Variants in YARS1 observed in about 807,000 individuals in gnomAD.
YARS1 encodes tyrosyl-tRNA synthetase 1.
In YARS1, 36 loss-of-function variants were observed where a neutral mutation model predicts 62.2. The observed-to-expected ratio is 0.58, with a 90% CI of 0.44 to 0.76. The LOEUF (loss-of-function observed/expected upper bound fraction) is 0.76. Ranked by LOEUF, YARS1 falls within the 30% of genes least tolerant of loss-of-function variation. The pLI is 0.00. For synonymous variants in YARS1, 234 were observed against 244.9 expected (o/e 0.96, Z 0.42); for missense variants, 524 against 639.8 (o/e 0.82, Z 1.95).
intron 4 of YARS1, among the ~76,000 whole-genome samples, chr1:32,804,723 G>A (rs1351356065): frequency 6.6e-6 from 1 of 151,776 alleles, no homozygotes; most frequent in Non-Finnish European, 1.5e-5. Context: ...ATGGCGGCCG[G>A]GAAGATGCGC....
In YARS1 at chr1:32,776,072, T is replaced by G. The variant is rs774931513; in HGVS notation, c.1496A>C (p.Glu499Ala). Reference protein sequence around the residue: ...EKLQADFKISEECIAQWKQTN... With the variant: ...EKLQADFKISAECIAQWKQTN... Reference sequence around the variant, plus strand: ...TTGCTTCCACTGTGCGATGCACTCCTCAGAAATTTTGAAGTCAGCCTGGAC... The same window carrying G: ...TTGCTTCCACTGTGCGATGCACTCCGCAGAAATTTTGAAGTCAGCCTGGAC... Residue 499 changes from glutamate to alanine, a missense_variant, in exon 13 of 13, where the codon GAG (glutamate) becomes GCG (alanine). Physicochemically the swap from Glu to Ala is moderately radical, Grantham distance 107. Coordinates refer to ENST00000373477, the MANE Select transcript of YARS1 (RefSeq NM_003680.4). This position sits in a 1 kb window ranked among gnomAD's most constrained non-coding sequence, Gnocchi z 4.0. 1.2e-6 allele frequency: 2 copies of G among 1,614,068 alleles called. No individual in the cohort carries two copies. Among genetic ancestry groups the G allele is most frequent in the Non-Finnish European group, 1.7e-6 (2 of 1,179,996 alleles).
intron 6 of YARS1, among the ~76,000 whole-genome samples, chr1:32,788,614 A>G (rs928517368): frequency 5.3e-5 from 8 of 151,796 alleles, no homozygotes; most frequent in Admixed American, 5.2e-4. Flanking sequence ...TATTTTTAGT[A>G]GAGACGGGGT....
At chr1:32,803,921 G>A (rs910049528) in intron 4 of YARS1, among the ~76,000 whole-genome samples, 7 of 152,228 alleles carry the variant, frequency 4.6e-5, no homozygotes, top group Non-Finnish European at 5.9e-5. Flanking sequence ...GGGTACTTGA[G>A]ATTAGGGAGT....
chr1:32,780,156 C>T lies in YARS1; in HGVS notation c.1263G>A (p.Val421=), dbSNP rs775335977. The change falls in exon 11 of 13, where the codon GTG becomes GTA. Residue 421 remains valine (V), a synonymous_variant. Coordinates refer to ENST00000373477, the MANE Select transcript of YARS1 (RefSeq NM_003680.4). ...TCTGGGGTTTCAGGTTGCACAGCACCACTACCAGCCTGTCCTGCAGTTCCT... is the reference window on the plus strand; with the variant it reads ...TCTGGGGTTTCAGGTTGCACAGCACTACTACCAGCCTGTCCTGCAGTTCCT... ...PKEELQDRLV[V]VLCNLKPQKM... 2 of 1,614,184 alleles carry T rather than the reference C, an allele frequency of 1.2e-6. No individual in the cohort carries two copies. Among genetic ancestry groups the T allele is most frequent in the African/African-American group, 2.7e-5 (2 of 75,038 alleles).
intron 5 of YARS1, among the ~76,000 whole-genome samples, chr1:32,792,115 T>C (rs1032125876): frequency 2.0e-5 from 3 of 152,170 alleles, no homozygotes; most frequent in African/African-American, 7.2e-5. Flanking sequence ...TACCAGGAAG[T>C]CTGGCAGAGA....
intron 4 of YARS1, among the ~76,000 whole-genome samples, chr1:32,802,551 G>A (rs571549825): frequency 1.3e-5 from 2 of 152,190 alleles, no homozygotes; most frequent in African/African-American, 2.4e-5. Flanking sequence ...CTTGATCCAC[G>A]GGCTATAGAA....
chr1:32,791,382 T>G (rs1653407483), intron 5 of YARS1, 128 bp from the exon 6 acceptor site: 2 of 785,508 alleles, frequency 2.5e-6, no homozygotes, highest in Non-Finnish European at 4.5e-6. Flanking sequence ...ATACTAAATA[T>G]GTAGCTTTGA....
At chr1:32,801,954 T>C (rs928520170) in intron 4 of YARS1, among the ~76,000 whole-genome samples, 1 of 142,972 alleles carries the variant, frequency 7.0e-6, no homozygotes, top group Non-Finnish European at 1.5e-5. Context: ...TTTTTTTTTT[T>C]TTTTTTTTTT....
At position 32,790,181 on chromosome 1, in the gene YARS1, C is replaced by CTT. The variant is rs750131866; in HGVS notation, c.684+979_684+980dup. Among the ~76,000 whole-genome samples the CTT allele has an allele frequency of 8.7e-5, 10 of 115,388 alleles. No homozygotes were observed. The South Asian group carries it at 1.2e-3, about 14-fold the overall frequency. The allele number at this position is 115,388 out of a possible 152,430, so 75.7% of individuals were successfully genotyped here. A position where few individuals can be genotyped will look rare whatever the true frequency, so the allele number is the denominator to read the frequency against. ...TACAGGCGTGAGCCACCACGCAGGC[C>CTT]TTTTTTTTTTTTTTTTTTTTTAATT... On this transcript the variant is annotated intron_variant, in intron 6 of 12. Transcript: ENST00000373477.
At chr1:32,798,354 T>C (rs1000432757) in intron 4 of YARS1, 4 of 172,042 alleles carry the variant, frequency 2.3e-5, no homozygotes, top group Non-Finnish European at 3.8e-5. Flanking sequence ...GTGGATGTCA[T>C]GGGATAAAAA....
intron 12 of YARS1, among the ~76,000 whole-genome samples, chr1:32,777,912 T>C (rs1371903714): frequency 2.0e-5 from 3 of 152,220 alleles, no homozygotes; most frequent in African/African-American, 2.4e-5. Flanking sequence ...AATATCTCTA[T>C]GTGGCAGGAC....
intron 5 of YARS1, among the ~76,000 whole-genome samples, chr1:32,792,119 G>A (rs1439081847): frequency 6.6e-6 from 1 of 152,190 alleles, no homozygotes; most frequent in Non-Finnish European, 1.5e-5. Flanking sequence ...AGGAAGTCTG[G>A]CAGAGAACAG....
At chr1:32,799,785 T>C (rs909550286) in intron 4 of YARS1, among the ~76,000 whole-genome samples, 1 of 152,194 alleles carries the variant, frequency 6.6e-6, no homozygotes, top group Admixed American at 6.5e-5. Flanking sequence ...CATTAGACAG[T>C]ACAGACCTAG....
At chr1:32,809,165 C>A (rs1638526835) in intron 3 of YARS1, among the ~76,000 whole-genome samples, 1 of 152,054 alleles carries the variant, frequency 6.6e-6, no homozygotes, top group Admixed American at 6.6e-5. Context: ...CCACTCACCG[C>A]AACCTCCACC....
intron 8 of YARS1, among the ~76,000 whole-genome samples, chr1:32,784,070 T>A (rs531504750): frequency 4.6e-5 from 7 of 151,474 alleles, no homozygotes; most frequent in African/African-American, 1.7e-4. Context: ...AGTGGCGCAA[T>A]CATGGCTCAG....
intron 4 of YARS1, 131 bp from the exon 5 acceptor site, chr1:32,797,974 G>A: frequency 1.4e-6 from 1 of 739,090 alleles, no homozygotes. Flanking sequence ...AGGTTCAAGT[G>A]AGTCTCCTGC....
intron 12 of YARS1, among the ~76,000 whole-genome samples, chr1:32,779,177 T>C (rs1375574539): frequency 6.6e-6 from 1 of 152,160 alleles, no homozygotes; most frequent in Non-Finnish European, 1.5e-5. Flanking sequence ...TCAAATGATC[T>C]GTCGGAGATG....
intron 8 of YARS1, chr1:32,783,852 C>T (rs1392957545): frequency 6.6e-6 from 1 of 152,172 alleles, no homozygotes; most frequent in African/African-American, 2.4e-5. Context: ...TCTTCAACTG[C>T]ACCTGCCACA....
Position 32,782,403 on chromosome 1 carries a change from C to T in YARS1, c.1042+1G>A. 6.2e-7 allele frequency: 1 copy of T among 1,613,984 alleles called. No individual in the cohort carries two copies. The highest frequency in any genetic ancestry group is 8.5e-7 in the Non-Finnish European group (1 of 1,179,896). On this transcript the variant is annotated splice_donor_variant, in intron 9 of 12. Transcript: ENST00000373477. LOFTEE classifies it high-confidence loss of function. Reference sequence around the variant, plus strand: ...GTCGGCCCCTCTCCAGCTGGCCTTACTCTGCTTTGAGGGATCTGGGTAGGC... The same window carrying T: ...GTCGGCCCCTCTCCAGCTGGCCTTATTCTGCTTTGAGGGATCTGGGTAGGC...
Sources: gnomAD v4.1 joint callset for allele counts (sites outside exome capture counted in the v4.1 genomes callset) on GRCh38, gnomAD v4.1.1 for gene constraint, Gnocchi (gnomAD v3.1) non-coding constraint, MANE v1.5 for transcripts, NCBI Gene and HGNC (gene_info 2026-07-23, HGNC 2026-07-21) for gene names.